PTPRG: variants seen among roughly 807,000 people sequenced by gnomAD.
PTPRG encodes the protein protein tyrosine phosphatase receptor type G, also known as receptor-type tyrosine-protein phosphatase gamma.
Under a neutral mutation model 165.3 loss-of-function variants are expected in PTPRG, and 102 were observed. That is an observed-to-expected ratio of 0.62 (90% CI 0.53 to 0.73). The LOEUF (loss-of-function observed/expected upper bound fraction) is 0.73. Among genes scored for constraint, PTPRG ranks in the 30% least tolerant of loss-of-function variants. PTPRG has a pLI of 0.00. For synonymous variants in PTPRG, 675 were observed against 669.5 expected, an observed-to-expected ratio of 1.01 and a Z score of -0.13; for missense variants, 1,866 against 1,861.4, an observed-to-expected ratio of 1.00 and a Z score of -0.05.
rs553688854 is a variant in PTPRG at position 61,936,078 on chromosome 3, G to A, written c.191-53547G>A. On this transcript the variant is annotated intron_variant, in intron 2 of 29. Coordinates refer to ENST00000474889, the MANE Select transcript of PTPRG (RefSeq NM_002841.4). ...TCCCTCTGCCACATGAGGAAACAGCGTTCCTCTTCTCTGGAGATTGCAATA... is the reference window on the plus strand; with the variant it reads ...TCCCTCTGCCACATGAGGAAACAGCATTCCTCTTCTCTGGAGATTGCAATA... 2.0e-5 allele frequency among the ~76,000 whole-genome samples: 3 copies of A among 152,240 alleles called. No homozygotes were observed. The East Asian group carries it at 5.8e-4, about 29-fold the overall frequency.
intron 2 of PTPRG, among the ~76,000 whole-genome samples, chr3:61,790,016 C>G (rs2034822226): frequency 6.6e-6 from 1 of 152,130 alleles, no homozygotes. Flanking sequence ...GTCGGCATGG[C>G]CGTGGGATTC....
At chr3:61,743,060 C>G in intron 1 of PTPRG, 4 of 1,591,796 alleles carry the variant, frequency 2.5e-6, no homozygotes, top group Non-Finnish European at 3.4e-6. Context: ...CGGTGCAGGA[C>G]TTCCCGCACC....
At chr3:61,595,017 A>C (rs1700662200) in intron 1 of PTPRG, among the ~76,000 whole-genome samples, 1 of 152,116 alleles carries the variant, frequency 6.6e-6, no homozygotes, top group African/African-American at 2.4e-5. Flanking sequence ...TCCGGATGAA[A>C]AGCGAGAAAA....
intron 2 of PTPRG, among the ~76,000 whole-genome samples, chr3:61,839,976 C>T (rs2036577602): frequency 6.6e-6 from 1 of 152,134 alleles, no homozygotes. Flanking sequence ...AAAAAAGCTG[C>T]TATTAAAATG....
chr3:61,992,568 G>T (rs762495258), intron 3 of PTPRG, among the ~76,000 whole-genome samples: 2 of 151,540 alleles, frequency 1.3e-5, no homozygotes, highest in Non-Finnish European at 2.9e-5. Context: ...CACCCAGGCC[G>T]CAGTGCATTG....
chr3:62,072,615 ATG>A (rs746425268), intron 4 of PTPRG, among the ~76,000 whole-genome samples: 12,610 of 134,168 alleles, frequency 0.094, 625 homozygotes, highest in South Asian at 0.13. Context: ...ATATATGTGT[ATG>A]TGTGTGTGTG....
At chr3:61,795,639 CAAAAAAAAAAAAAAAAA>C (rs145136197) in intron 2 of PTPRG, among the ~76,000 whole-genome samples, 2 of 59,450 alleles carry the variant, frequency 3.4e-5, no homozygotes, top group Non-Finnish European at 5.8e-5. Context: ...GACTCCGTCT[CAAAAAAAAAAAAAAAAA>C]AAAAAAAAAA....
At chr3:61,589,510 C>T (rs924433214) in intron 1 of PTPRG, among the ~76,000 whole-genome samples, 76 of 152,288 alleles carry the variant, frequency 5.0e-4, no homozygotes, top group African/African-American at 1.8e-3. Flanking sequence ...AAAAATTTCC[C>T]CCAGTTACAC....
At chr3:61,636,104 T>C (rs1448654712) in intron 1 of PTPRG, among the ~76,000 whole-genome samples, 1 of 152,170 alleles carries the variant, frequency 6.6e-6, no homozygotes, top group East Asian at 1.9e-4. Context: ...AGCTTTCCTA[T>C]CGTCTAAAGT....
intron 1 of PTPRG, among the ~76,000 whole-genome samples, chr3:61,600,173 A>AAAATAT (rs1409193580): frequency 6.5e-5 from 8 of 123,480 alleles, no homozygotes; most frequent in African/African-American, 2.1e-4. Flanking sequence ...AAAAAAAAAA[A>AAAATAT]ATATATATAT....
chr3:62,221,419 G>T (rs1025930119), intron 13 of PTPRG, among the ~76,000 whole-genome samples: 1 of 152,200 alleles, frequency 6.6e-6, no homozygotes, highest in Admixed American at 6.5e-5. Context: ...TAGGATGAAT[G>T]AGTTGGCTAA....
In PTPRG at chr3:62,293,263, G is replaced by A. The variant is rs1702964113; in HGVS notation, c.4294G>A (p.Ala1432Thr). ...AGACAAAAATGGTGCTGTTCTTATT[G>A]CAGATGAATCAGACCCTGCTGAGAG... is the stretch of plus-strand genomic sequence containing the variant. Reference protein sequence around the residue: ...TVDKNGAVLIADESDPAESME... With the variant: ...TVDKNGAVLITDESDPAESME... The change falls in exon 30 of 30, where the codon GCA becomes ACA. Residue 1432 changes from alanine (A) to threonine (T), a missense_variant. Coordinates refer to ENST00000474889, the MANE Select transcript of PTPRG (RefSeq NM_002841.4). 1 of 1,610,608 alleles carries A rather than the reference G, an allele frequency of 6.2e-7. No individual in the cohort carries two copies. The highest frequency in any genetic ancestry group is 1.3e-5 in the African/African-American group (1 of 74,848).
intron 1 of PTPRG, among the ~76,000 whole-genome samples, chr3:61,639,037 T>C (rs145248540): frequency 4.1e-4 from 62 of 152,224 alleles, no homozygotes; most frequent in Non-Finnish European, 5.1e-4. Flanking sequence ...AGGATTCTTA[T>C]AGTTCCTGAT....
At chr3:61,845,205 C>A (rs1218958370) in intron 2 of PTPRG, among the ~76,000 whole-genome samples, 2 of 152,154 alleles carry the variant, frequency 1.3e-5, no homozygotes, top group African/African-American at 2.4e-5. Context: ...AAGGCACCTG[C>A]CAAATACCTG....
At chr3:62,202,474 T>C (rs1576128396) in intron 11 of PTPRG, among the ~76,000 whole-genome samples, 1 of 152,210 alleles carries the variant, frequency 6.6e-6, no homozygotes, top group East Asian at 1.9e-4. Flanking sequence ...ATTCTTGTTA[T>C]TGTTGTTGAT....
chr3:61,809,872 T>A (rs906778876), intron 2 of PTPRG, among the ~76,000 whole-genome samples: 2 of 152,164 alleles, frequency 1.3e-5, no homozygotes, highest in African/African-American at 2.4e-5. Flanking sequence ...CTCTCTTGAT[T>A]TCAAGGTGAT....
chr3:61,686,348 C>T (rs1040974866), intron 1 of PTPRG, among the ~76,000 whole-genome samples: 2 of 151,878 alleles, frequency 1.3e-5, no homozygotes, highest in African/African-American at 4.8e-5. Flanking sequence ...CTGATACTTA[C>T]CATTGTTCTC....
intron 19 of PTPRG, 35 bp from the exon 20 acceptor site, chr3:62,269,000 T>G (rs773653261): frequency 6.6e-7 from 1 of 1,513,558 alleles, no homozygotes; most frequent in South Asian, 1.3e-5. Context: ...TGGCATAGAT[T>G]GCAGTTATAC....
At chr3:61,648,015 T>C (rs1702251443) in intron 1 of PTPRG, among the ~76,000 whole-genome samples, 1 of 152,060 alleles carries the variant, frequency 6.6e-6, no homozygotes, top group Non-Finnish European at 1.5e-5. Context: ...GGTTTTATTT[T>C]TCTGTCTTGC....
Sources: allele counts gnomAD v4.1 joint callset (sites outside exome capture counted in the v4.1 genomes callset), GRCh38; gene constraint gnomAD v4.1.1; transcripts MANE v1.5; gene names NCBI Gene and HGNC (gene_info 2026-07-23, HGNC 2026-07-21).